The following FBXO16 variants were observed in gnomAD, a reference collection of about 807,000 sequenced individuals.
FBXO16 encodes F-box protein 16, also known as F-box only protein 16.
In FBXO16, 31 loss-of-function variants were observed where a neutral mutation model predicts 41.0. The ratio of observed to expected loss-of-function variants is 0.76; its 90% CI spans 0.57 to 1.02. FBXO16 has a LOEUF of 1.02. Ranked by LOEUF, FBXO16 falls within the 50% of genes least tolerant of loss-of-function variation. FBXO16 has a pLI of 0.00. For synonymous variants in FBXO16, 133 were observed against 117.8 expected (o/e 1.13, Z -0.84); for missense variants, 361 against 346.2 (o/e 1.04, Z -0.34).
Position 28,428,544 on chromosome 8 carries a change from TAA to T in FBXO16, c.*181_*182del. 2 of 1,543,522 alleles carry T rather than the reference TAA, an allele frequency of 1.3e-6. No homozygotes were observed. The highest frequency in any genetic ancestry group is 1.7e-6 in the Non-Finnish European group (2 of 1,145,958). On this transcript the variant is annotated 3_prime_UTR_variant, in exon 9 of 9. Coordinates refer to ENST00000380254, the MANE Select transcript of FBXO16 (RefSeq NM_172366.4). The stretch of plus-strand genomic sequence containing the variant: ...GCAAAGCATCTTGTCATTTCTATAA[TAA>T]AAGTCTTTCCATGTTCAGTCCACTT...
At chr8:28,485,983 A>G (rs1332441356) in intron 1 of FBXO16, among the ~76,000 whole-genome samples, 1 of 151,538 alleles carries the variant, frequency 6.6e-6, no homozygotes, top group Non-Finnish European at 1.5e-5. Flanking sequence ...TGGCCCACCT[A>G]TAATACCAGC....
At chr8:28,461,260 C>T (rs949431154) in intron 4 of FBXO16, among the ~76,000 whole-genome samples, 12 of 152,044 alleles carry the variant, frequency 7.9e-5, no homozygotes, top group African/African-American at 2.9e-4. Flanking sequence ...CAGACAAATT[C>T]CAAGCACTGG....
chr8:28,437,176 G>T (rs1802699454), intron 7 of FBXO16, among the ~76,000 whole-genome samples: 1 of 152,222 alleles, frequency 6.6e-6, no homozygotes, highest in Admixed American at 6.5e-5. Context: ...GTCCTGAATA[G>T]AAGTTAATTT....
intron 6 of FBXO16, among the ~76,000 whole-genome samples, chr8:28,448,420 G>T (rs528927351): frequency 6.6e-5 from 10 of 150,396 alleles, no homozygotes; most frequent in African/African-American, 2.4e-4. Context: ...GGAACCAAAA[G>T]TTAGATTTCT....
chr8:28,462,525 G>A (rs1363818322), intron 4 of FBXO16, among the ~76,000 whole-genome samples: 6 of 151,278 alleles, frequency 4.0e-5, no homozygotes, highest in Non-Finnish European at 5.9e-5. Flanking sequence ...TGATCCGCCC[G>A]CCTCTGCCTC....
chr8:28,453,189 C>A lies in FBXO16; in HGVS notation c.508-713G>T, dbSNP rs114359706. On this transcript the variant is annotated intron_variant, in intron 5 of 8. Transcript: ENST00000380254. ...AATATAGGAGAAACTAATTAATTTGCCCACTACTACAAAAGTAGTAAGTTG... is the reference window on the plus strand; with the variant it reads ...AATATAGGAGAAACTAATTAATTTGACCACTACTACAAAAGTAGTAAGTTG... Among the ~76,000 whole-genome samples, 656 of 152,256 alleles carry A rather than the reference C, an allele frequency of 4.3e-3. 11 individuals are homozygous for A. The highest frequency in any genetic ancestry group is 0.015 in the African/African-American group (630 of 41,542).
intron 1 of FBXO16, among the ~76,000 whole-genome samples, chr8:28,488,851 C>A (rs1250092131): frequency 6.6e-6 from 1 of 152,182 alleles, no homozygotes; most frequent in Admixed American, 6.5e-5. Flanking sequence ...TCCATCTACT[C>A]TTTCAGTCTC....
chr8:28,489,310 C>T (rs1350959787), intron 1 of FBXO16, among the ~76,000 whole-genome samples: 2 of 151,770 alleles, frequency 1.3e-5, no homozygotes, highest in East Asian at 3.9e-4. Flanking sequence ...CCACTGCACT[C>T]CAGCCTGGGG....
intron 6 of FBXO16, chr8:28,449,252 G>A (rs1802914212): frequency 6.6e-6 from 1 of 151,294 alleles, no homozygotes; most frequent in African/African-American, 2.4e-5. Flanking sequence ...GGAAATCTAT[G>A]GACAAAACAG....
At chr8:28,474,316 C>CAAAAAAAAAAAAAAAAAAAAAA in intron 2 of FBXO16, among the ~76,000 whole-genome samples, 1 of 56,656 alleles carries the variant, frequency 1.8e-5, no homozygotes, top group South Asian at 7.0e-4. Flanking sequence ...CAGACCCTGT[C>CAAAAAAAAAAAAAAAAAAAAAA]AAAAAAAAAA....
At chr8:28,483,587 G>A in intron 1 of FBXO16, 125 bp from the exon 2 acceptor site, 1 of 647,662 alleles carries the variant, frequency 1.5e-6, no homozygotes, top group Non-Finnish European at 2.7e-6. Context: ...GGGAGGCTGA[G>A]GTGGGCGGAT....
At chr8:28,441,099 T>C (rs1348591517) in intron 7 of FBXO16, among the ~76,000 whole-genome samples, 1 of 151,858 alleles carries the variant, frequency 6.6e-6, no homozygotes, top group Non-Finnish European at 1.5e-5. Context: ...TGGAGGGAGG[T>C]ATTTACATCC....
intron 1 of FBXO16, among the ~76,000 whole-genome samples, chr8:28,485,934 T>A (rs972555661): frequency 6.6e-6 from 1 of 151,730 alleles, no homozygotes; most frequent in African/African-American, 2.4e-5. Flanking sequence ...ATGGTAAAAC[T>A]CCATCTCTAC....
At chr8:28,475,066 A>G (rs1467518524) in intron 2 of FBXO16, among the ~76,000 whole-genome samples, 1 of 152,204 alleles carries the variant, frequency 6.6e-6, no homozygotes, top group East Asian at 1.9e-4. Flanking sequence ...TCAGCTTTCA[A>G]AATTGGGATT....
At chr8:28,453,962 G>A (rs1166700871) in intron 5 of FBXO16, among the ~76,000 whole-genome samples, 5 of 151,906 alleles carry the variant, frequency 3.3e-5, no homozygotes, top group Non-Finnish European at 5.9e-5. Context: ...TCAGGAGTTC[G>A]AGACCAGTCT....
At position 28,467,655 on chromosome 8, in the gene FBXO16, T is replaced by C. The variant is rs75967065; in HGVS notation, c.136-3837A>G. 3.0e-3 allele frequency among the ~76,000 whole-genome samples: 456 copies of C among 152,330 alleles called. 7 individuals are homozygous for C. In the East Asian group the frequency reaches 0.047, roughly 16 times the overall value. ...GGATGGAAAGTGCATTGAGAATAAA[T>C]GAGGTTAGCTCATCTACTTTCCCGC... On this transcript the variant is annotated intron_variant, in intron 3 of 8. Transcript: ENST00000380254.
At chr8:28,433,800 G>A (rs1307329201) in intron 7 of FBXO16, among the ~76,000 whole-genome samples, 1 of 152,110 alleles carries the variant, frequency 6.6e-6, no homozygotes, top group African/African-American at 2.4e-5. Context: ...ATTTTATTGG[G>A]CACAGAGAAG....
At chr8:28,479,489 G>A (rs1362697670) in intron 2 of FBXO16, among the ~76,000 whole-genome samples, 2 of 152,008 alleles carry the variant, frequency 1.3e-5, no homozygotes, top group East Asian at 3.9e-4. Context: ...GTAATTTTTC[G>A]AAGAAAATTT....
At chr8:28,449,222 A>T (rs959306759) in intron 6 of FBXO16, 4 of 152,170 alleles carry the variant, frequency 2.6e-5, no homozygotes, top group Non-Finnish European at 5.9e-5. Flanking sequence ...ACAAATTGCA[A>T]GGAAAAAAAA....
Sources: gnomAD v4.1 joint callset for allele counts (sites outside exome capture counted in the v4.1 genomes callset) on GRCh38, gnomAD v4.1.1 for gene constraint, MANE v1.5 for transcripts, NCBI Gene and HGNC (gene_info 2026-07-23, HGNC 2026-07-21) for gene names.